The following SLC9A7 variants were observed in gnomAD, a reference collection of about 807,000 sequenced individuals.
SLC9A7 encodes solute carrier family 9 member A7.
In SLC9A7, 19 loss-of-function variants were observed where a neutral mutation model predicts 52.6. The observed-to-expected ratio is 0.36, with a 90% CI of 0.25 to 0.53. The LOEUF is 0.53. Ranked by LOEUF, SLC9A7 falls within the 20% of genes least tolerant of loss-of-function variation. SLC9A7 has a pLI of 0.91. For synonymous variants in SLC9A7, 226 were observed against 252.1 expected, an observed-to-expected ratio of 0.90 and a Z score of 0.98; for missense variants, 455 against 597.9, an observed-to-expected ratio of 0.76 and a Z score of 2.49.
chrX:46,711,081 A>G (rs1226415485), intron 1 of SLC9A7, among the ~76,000 whole-genome samples: 4 of 112,913 alleles, frequency 3.5e-5, no homozygotes, highest in Non-Finnish European at 5.6e-5. Context: ...CATTGTCTAG[A>G]GTCTGGGCAA....
intron 13 of SLC9A7, among the ~76,000 whole-genome samples, chrX:46,632,533 A>C (rs1943239070): frequency 9.0e-6 from 1 of 110,705 alleles, no homozygotes; most frequent in Admixed American, 9.6e-5. Context: ...TCATCCCCCC[A>C]CAATCCCTCA....
intron 13 of SLC9A7, among the ~76,000 whole-genome samples, chrX:46,632,973 C>T (rs1341042588): frequency 6.3e-5 from 7 of 110,278 alleles, no homozygotes; most frequent in Non-Finnish European, 1.3e-4. Context: ...CTAACTGGCA[C>T]TCTATGCATC....
At chrX:46,637,058 C>T (rs1483992559) in intron 12 of SLC9A7, among the ~76,000 whole-genome samples, 1 of 112,121 alleles carries the variant, frequency 8.9e-6, no homozygotes, top group Non-Finnish European at 1.9e-5. Flanking sequence ...AGCTGTAATG[C>T]TATGATTAAT....
chrX:46,663,103 G>A (rs1266741770), intron 5 of SLC9A7, among the ~76,000 whole-genome samples: 1 of 112,299 alleles, frequency 8.9e-6, no homozygotes, highest in Non-Finnish European at 1.9e-5. Flanking sequence ...GGAGGCTGAG[G>A]CAGGTGGATC....
intron 13 of SLC9A7, among the ~76,000 whole-genome samples, chrX:46,633,502 TC>T (rs1943265424): frequency 9.2e-6 from 1 of 108,545 alleles, no homozygotes; most frequent in South Asian, 4.0e-4. Context: ...CTTGGACCAA[TC>T]CCCAAGGATG....
Position 46,601,965 on chromosome X carries a change from TC to T in SLC9A7, c.*4986del, listed in dbSNP as rs1040594365. Reference sequence around the variant, plus strand: ...ATGGGCCCACCCTTATTCTGAGGAATCCAGTGTGGACTCAGGCATGAGGATA... The same window carrying T: ...ATGGGCCCACCCTTATTCTGAGGAATCAGTGTGGACTCAGGCATGAGGATA... On this transcript the variant is annotated 3_prime_UTR_variant, in exon 17 of 17. Transcript: ENST00000616978. 9.0e-6 allele frequency: 1 copy of T among 110,941 alleles called. No individual in the cohort carries two copies. Among genetic ancestry groups the T allele is most frequent in the Non-Finnish European group, 1.9e-5 (1 of 52,957 alleles). The allele number at this position is 110,941 out of a possible 1,213,427, so 9.1% of individuals were successfully genotyped here. A position where few individuals can be genotyped will look rare whatever the true frequency, so the allele number is the denominator to read the frequency against.
rs370283412 is a variant in SLC9A7 at position 46,669,730 on chromosome X, G to A, written c.681-11C>T. 638 of 993,846 alleles carry A rather than the reference G, an allele frequency of 6.4e-4. 5 individuals are homozygous for A. The South Asian group carries it at 0.013, about 21-fold the overall frequency. The allele number at this position is 993,846 out of a possible 1,213,427, so 81.9% of individuals were successfully genotyped here. ...CCATACATGAGATTTCTGTAAGAAG[G>A]TAAGGTAAACTATGTCAGGAGAAAA... On this transcript the variant is annotated splice_polypyrimidine_tract_variant and intron_variant, in intron 4 of 16. Transcript: ENST00000616978.
chrX:46,673,622 T>C (rs919425622), intron 3 of SLC9A7, among the ~76,000 whole-genome samples: 1 of 111,990 alleles, frequency 8.9e-6, no homozygotes, highest in Non-Finnish European at 1.9e-5. Flanking sequence ...AAAATTTTTT[T>C]AAAAGGCAGG....
At chrX:46,671,803 G>T (rs949984647) in intron 4 of SLC9A7, among the ~76,000 whole-genome samples, 1 of 111,862 alleles carries the variant, frequency 8.9e-6, no homozygotes, top group Non-Finnish European at 1.9e-5. Flanking sequence ...CCTGGGTGAG[G>T]TAGTATTTGT....
rs746641742 is a variant in SLC9A7, at chrX:46,711,903, C to CAT, written c.326-29369_326-29368insAT. Reference sequence around the variant, plus strand: ...TTAACGGCACAGCCTCTAAATTACACACACACACACACACACACACACACA... The same window carrying CAT: ...TTAACGGCACAGCCTCTAAATTACACATACACACACACACACACACACACACA... On this transcript the variant is annotated intron_variant, in intron 1 of 16. Transcript: ENST00000616978. Among the ~76,000 whole-genome samples, 662 of 94,201 alleles carry CAT rather than the reference C, an allele frequency of 7.0e-3. 4 individuals are homozygous for CAT. The highest frequency in any genetic ancestry group is 0.02 in the Middle Eastern group (4 of 196). 81.8% of individuals were successfully genotyped at this position (94,201 alleles called of 115,157 possible). A position where few individuals can be genotyped will look rare whatever the true frequency, so the allele number is the denominator to read the frequency against.
chrX:46,630,877 T>C (rs998203012), intron 14 of SLC9A7, among the ~76,000 whole-genome samples: 7 of 112,243 alleles, frequency 6.2e-5, no homozygotes. Flanking sequence ...GCTGGGACAC[T>C]TGCTTTTGGA....
intron 1 of SLC9A7, among the ~76,000 whole-genome samples, chrX:46,750,800 A>G (rs1556287064): frequency 2.7e-5 from 3 of 112,380 alleles, no homozygotes; most frequent in Admixed American, 1.9e-4. Flanking sequence ...AATGTTTTTG[A>G]AGGGTGAAAA....
At chrX:46,717,263 A>C (rs1020161191) in intron 1 of SLC9A7, among the ~76,000 whole-genome samples, 9 of 112,579 alleles carry the variant, frequency 8.0e-5, no homozygotes, top group Non-Finnish European at 1.7e-4. Flanking sequence ...TCACCCTGAT[A>C]CTTGTGTTAA....
At position 46,613,343 on chromosome X, in the gene SLC9A7, G is replaced by A; in HGVS notation, c.1875C>T (p.Leu625=). Residue 625 remains leucine (L), a synonymous_variant, in exon 16 of 17, where the codon CTC becomes CTT. Transcript: ENST00000616978. ...GAGCTAGTAAGCCACACCAGGCGGG[G>A]AGCGTGGTGGTTAGTGGGGGACCAC... The part of the protein sequence containing the change: ...THSGPPLTTT[L]PAWCGLLARC... The A allele has an allele frequency of 1.7e-6, 2 of 1,208,622 alleles. No homozygotes were observed. Among genetic ancestry groups the A allele is most frequent in the Non-Finnish European group, 2.2e-6 (2 of 893,731 alleles).
In SLC9A7 at chrX:46,651,243, G is replaced by A; in HGVS notation, c.1237-20C>T. ...AAAGAGCTGCACAGAGAAGGGAAAA[G>A]GAAGCTGTAACCCTGCAGTTCCCCC... On this transcript the variant is annotated intron_variant, in intron 9 of 16. Transcript: ENST00000616978. 1 of 1,181,929 alleles carries A rather than the reference G, an allele frequency of 8.5e-7. No individual in the cohort carries two copies. Among genetic ancestry groups the A allele is most frequent in the Non-Finnish European group, 1.2e-6 (1 of 869,403 alleles).
At chrX:46,608,406 C>T (rs779186424) in intron 16 of SLC9A7, among the ~76,000 whole-genome samples, 3 of 112,631 alleles carry the variant, frequency 2.7e-5, no homozygotes, top group Non-Finnish European at 3.8e-5. Context: ...TACACTGTGA[C>T]TCCACTTAAC....
intron 14 of SLC9A7, among the ~76,000 whole-genome samples, chrX:46,626,891 A>G (rs979948341): frequency 6.3e-5 from 7 of 111,569 alleles, no homozygotes; most frequent in African/African-American, 2.3e-4. Flanking sequence ...AGTCAATTAA[A>G]CCTTTTCTTC....
intron 1 of SLC9A7, among the ~76,000 whole-genome samples, chrX:46,712,921 G>A (rs766349673): frequency 1.5e-4 from 17 of 111,664 alleles, no homozygotes; most frequent in Non-Finnish European, 3.2e-4. Flanking sequence ...AATAGAAAAC[G>A]ACAGTACTGA....
Position 46,600,894 on chromosome X carries a change from CCTTT to C in SLC9A7, c.*6054_*6057del, listed in dbSNP as rs1569494766. On this transcript the variant is annotated 3_prime_UTR_variant, in exon 17 of 17. Coordinates refer to ENST00000616978, the MANE Select transcript of SLC9A7 (RefSeq NM_001257291.2). The stretch of plus-strand genomic sequence containing the variant: ...AACTACAACTCTTGGCCACTAGATT[CCTTT>C]GACTTACTGTATCAGAATGTAGCAG... 1 of 111,792 alleles carries C rather than the reference CCTTT, an allele frequency of 8.9e-6. No individual in the cohort carries two copies. Among genetic ancestry groups the C allele is most frequent in the African/African-American group, 3.3e-5 (1 of 30,752 alleles). 9.2% of individuals were successfully genotyped at this position (111,792 alleles called of 1,213,427 possible). A position where few individuals can be genotyped will look rare whatever the true frequency, so the allele number is the denominator to read the frequency against.
Sources: allele counts gnomAD v4.1 joint callset (sites outside exome capture counted in the v4.1 genomes callset), GRCh38; gene constraint gnomAD v4.1.1; transcripts MANE v1.5; gene names NCBI Gene and HGNC (gene_info 2026-07-23, HGNC 2026-07-21).